The following MTMR7 variants were observed in gnomAD, a reference collection of about 807,000 sequenced individuals.
MTMR7 encodes myotubularin related protein 7.
Under a neutral mutation model 81.2 loss-of-function variants are expected in MTMR7, and 76 were observed. That is an observed-to-expected ratio of 0.94 (90% CI 0.78 to 1.13). The LOEUF (loss-of-function observed/expected upper bound fraction) is 1.13. Ranked by LOEUF, MTMR7 falls within the 50% of genes most tolerant of loss-of-function variation. The pLI, the probability that MTMR7 is intolerant of heterozygous loss-of-function variation, is 0.00. For synonymous variants in MTMR7, 372 were observed against 289.8 expected (o/e 1.28, Z -2.88); for missense variants, 1,044 against 820.0 (o/e 1.27, Z -3.34).
At chr8:17,308,914 C>G (rs1269358144) in intron 10 of MTMR7, among the ~76,000 whole-genome samples, 1 of 152,158 alleles carries the variant, frequency 6.6e-6, no homozygotes, top group African/African-American at 2.4e-5. Flanking sequence ...AGAAACTGTT[C>G]CACGGGCAGT....
At chr8:17,403,553 A>G (rs1821489095) in intron 1 of MTMR7, among the ~76,000 whole-genome samples, 1 of 152,162 alleles carries the variant, frequency 6.6e-6, no homozygotes, top group African/African-American at 2.4e-5. Flanking sequence ...ACATTTGGCT[A>G]TTCTGGGTCT....
chr8:17,329,793 C>G (rs925126831), intron 7 of MTMR7, among the ~76,000 whole-genome samples: 3 of 152,178 alleles, frequency 2.0e-5, no homozygotes, highest in African/African-American at 7.2e-5. Flanking sequence ...GCATGATAAT[C>G]TCCAAAAGTT....
At chr8:17,311,663 T>TC (rs1172767421) in intron 8 of MTMR7, 27 bp from the exon 9 acceptor site, 30 of 1,613,024 alleles carry the variant, frequency 1.9e-5, no homozygotes, top group Non-Finnish European at 2.4e-5. Context: ...CCGCAAAGAG[T>TC]CACAAAGAAT....
At chr8:17,324,828 T>C (rs1586188329) in intron 7 of MTMR7, among the ~76,000 whole-genome samples, 2 of 152,294 alleles carry the variant, frequency 1.3e-5, no homozygotes, top group South Asian at 4.1e-4. Flanking sequence ...TTATTATTGG[T>C]TATCTCCTCC....
At chr8:17,353,268 G>T (rs994912661) in intron 4 of MTMR7, among the ~76,000 whole-genome samples, 1 of 152,130 alleles carries the variant, frequency 6.6e-6, no homozygotes, top group African/African-American at 2.4e-5. Context: ...GTAGAATGAT[G>T]GTTGCCAGGG....
chr8:17,322,008 G>C (rs1818414646), intron 7 of MTMR7, among the ~76,000 whole-genome samples: 1 of 126,740 alleles, frequency 7.9e-6, no homozygotes, highest in Non-Finnish European at 1.6e-5. Context: ...GGTGGGGTCA[G>C]TGAGGGTGCA....
chr8:17,312,793 A>T (rs1817865924), intron 8 of MTMR7, among the ~76,000 whole-genome samples: 1 of 152,158 alleles, frequency 6.6e-6, no homozygotes, highest in African/African-American at 2.4e-5. Flanking sequence ...TATAAATCCA[A>T]GGTATTTATT....
At chr8:17,325,790 T>C (rs1158872477) in intron 7 of MTMR7, among the ~76,000 whole-genome samples, 1 of 152,222 alleles carries the variant, frequency 6.6e-6, no homozygotes, top group African/African-American at 2.4e-5. Context: ...TCTTACTTCA[T>C]GTCTTTTGAA....
intron 3 of MTMR7, among the ~76,000 whole-genome samples, chr8:17,367,434 A>G (rs1370016835): frequency 6.6e-6 from 1 of 152,110 alleles, no homozygotes; most frequent in Admixed American, 6.5e-5. Context: ...GAAAAGTTCA[A>G]TCCTTATTAA....
chr8:17,328,331 G>A (rs1436951490), intron 7 of MTMR7, among the ~76,000 whole-genome samples: 1 of 152,142 alleles, frequency 6.6e-6, no homozygotes, highest in Non-Finnish European at 1.5e-5. Flanking sequence ...CAACACCCAG[G>A]ATGCCTAAGA....
At chr8:17,355,620 T>C (rs9325808) in intron 4 of MTMR7, among the ~76,000 whole-genome samples, 44,265 of 151,596 alleles carry the variant, frequency 0.29, 7,543 homozygotes, top group East Asian at 0.71. Flanking sequence ...TAAGAAAGAT[T>C]GACAACTCAA....
chr8:17,407,765 T>C (rs545646574), intron 1 of MTMR7, among the ~76,000 whole-genome samples: 45 of 152,284 alleles, frequency 3.0e-4, no homozygotes, highest in Middle Eastern at 6.8e-3. Context: ...TGTACCCAAA[T>C]ATTAAAAGTG....
In MTMR7 at chr8:17,299,254, A is replaced by G. The variant is rs1341233344; in HGVS notation, c.*608T>C. ...GAAACAGACTATAGATCTCAGAGAA[A>G]AGCAACAAAATTATTCTCACAATTC... On this transcript the variant is annotated 3_prime_UTR_variant, in exon 14 of 14. Coordinates refer to ENST00000180173, the MANE Select transcript of MTMR7 (RefSeq NM_004686.5). 6.6e-6 allele frequency: 1 copy of G among 152,266 alleles called. No individual in the cohort carries two copies. Among genetic ancestry groups the G allele is most frequent in the African/African-American group, 2.4e-5 (1 of 41,460 alleles). The allele number at this position is 152,266 out of a possible 1,614,324, so 9.4% of individuals were successfully genotyped here.
At chr8:17,411,339 C>T (rs1821728745) in intron 1 of MTMR7, among the ~76,000 whole-genome samples, 1 of 152,162 alleles carries the variant, frequency 6.6e-6, no homozygotes, top group African/African-American at 2.4e-5. Context: ...ACCTTGAGGG[C>T]AGAGCTGATC....
At chr8:17,376,345 G>A in intron 1 of MTMR7, among the ~76,000 whole-genome samples, 1 of 152,186 alleles carries the variant, frequency 6.6e-6, no homozygotes, top group East Asian at 1.9e-4. Flanking sequence ...TCAGTTGATA[G>A]ACATTTCAGT....
At chr8:17,369,629 A>ATTTCTTTT (rs1460933575) in intron 3 of MTMR7, among the ~76,000 whole-genome samples, 1 of 137,898 alleles carries the variant, frequency 7.3e-6, no homozygotes, top group African/African-American at 2.7e-5. Flanking sequence ...AGTAGAGTAT[A>ATTTCTTTT]TTTCTTTTTT....
intron 1 of MTMR7, among the ~76,000 whole-genome samples, chr8:17,376,875 T>C (rs1427592737): frequency 6.6e-6 from 1 of 152,144 alleles, no homozygotes; most frequent in Non-Finnish European, 1.5e-5. Context: ...TATTTGTTTT[T>C]TTAACTCTAG....
At chr8:17,390,225 G>C (rs920306366) in intron 1 of MTMR7, among the ~76,000 whole-genome samples, 32 of 152,016 alleles carry the variant, frequency 2.1e-4, no homozygotes, top group African/African-American at 7.0e-4. Flanking sequence ...TTTGCTTCTG[G>C]GGAGGCCTCA....
chr8:17,359,895 C>T (rs1383390039), intron 4 of MTMR7, among the ~76,000 whole-genome samples: 1 of 152,034 alleles, frequency 6.6e-6, no homozygotes, highest in Admixed American at 6.6e-5. Context: ...TTATTTTTGA[C>T]AACATGTACA....
Sources: allele counts gnomAD v4.1 joint callset (sites outside exome capture counted in the v4.1 genomes callset), GRCh38; gene constraint gnomAD v4.1.1; transcripts MANE v1.5; gene names NCBI Gene and HGNC (gene_info 2026-07-23, HGNC 2026-07-21).